The following SRD5A2 variants were observed in gnomAD, a reference collection of about 807,000 sequenced individuals.
The protein encoded by SRD5A2 is steroid 5 alpha-reductase 2, also known as 3-oxo-5-alpha-steroid 4-dehydrogenase 2.
A neutral mutation model predicts 27.4 loss-of-function variants in SRD5A2; 30 were observed. The observed-to-expected ratio is 1.10, with a 90% CI of 0.82 to 1.49. SRD5A2 has a LOEUF of 1.49. Among genes scored for constraint, SRD5A2 ranks in the 40% most tolerant of loss-of-function variants. SRD5A2 has a pLI of 0.00. For missense variants in SRD5A2, 348 were observed against 323.4 expected (o/e 1.08, Z -0.58); for synonymous variants, 141 against 133.6 (o/e 1.06, Z -0.38).
At chr2:31,640,670 G>T in the SRD5A2 span, among the ~76,000 whole-genome samples, 1 of 152,026 alleles carries the variant, frequency 6.6e-6, no homozygotes, top group African/African-American at 2.4e-5. Flanking sequence ...TCATGTTCAG[G>T]GACCTGTGAA....
At chr2:31,568,952 C>T (rs1666794044) in intron 1 of SRD5A2, among the ~76,000 whole-genome samples, 1 of 152,248 alleles carries the variant, frequency 6.6e-6, no homozygotes, top group African/African-American at 2.4e-5. Context: ...GAGCAGGTGC[C>T]TAGAGTGGGA....
the SRD5A2 span, among the ~76,000 whole-genome samples, chr2:31,632,606 G>A: frequency 6.6e-6 from 1 of 152,146 alleles, no homozygotes; most frequent in Non-Finnish European, 1.5e-5. Context: ...CCTGGACACT[G>A]GCACGGCCTT....
the SRD5A2 span, among the ~76,000 whole-genome samples, chr2:31,639,851 T>A: frequency 5.3e-5 from 8 of 152,086 alleles, no homozygotes. Flanking sequence ...ATCTGTTTAG[T>A]GTTCTAAGAT....
At chr2:31,588,831 C>T in the SRD5A2 span, among the ~76,000 whole-genome samples, 1 of 152,098 alleles carries the variant, frequency 6.6e-6, no homozygotes, top group Non-Finnish European at 1.5e-5. Flanking sequence ...AAAATCATAA[C>T]TATATCACAA....
At chr2:31,597,992 T>TA in the SRD5A2 span, among the ~76,000 whole-genome samples, 14 of 152,008 alleles carry the variant, frequency 9.2e-5, no homozygotes. Context: ...GGCAAAAAGA[T>TA]ACTTGCACAC....
the SRD5A2 span, among the ~76,000 whole-genome samples, chr2:31,653,696 G>A: frequency 6.6e-6 from 1 of 152,014 alleles, no homozygotes; most frequent in South Asian, 2.1e-4. Flanking sequence ...TTTTGCTCTT[G>A]TTGCCCAGGG....
At chr2:31,638,356 T>C in the SRD5A2 span, among the ~76,000 whole-genome samples, 25 of 152,284 alleles carry the variant, frequency 1.6e-4, no homozygotes, top group Middle Eastern at 3.4e-3. Flanking sequence ...AGATACGGTC[T>C]ATTCTGGAGA....
At chr2:31,648,233 C>T in the SRD5A2 span, among the ~76,000 whole-genome samples, 4 of 152,090 alleles carry the variant, frequency 2.6e-5, no homozygotes, top group Non-Finnish European at 5.9e-5. Flanking sequence ...TTTAAAATGC[C>T]AAAATTTCAA....
the SRD5A2 span, among the ~76,000 whole-genome samples, chr2:31,654,759 A>C: frequency 2.0e-5 from 3 of 152,324 alleles, no homozygotes; most frequent in South Asian, 4.1e-4. Context: ...CTCTGATCTG[A>C]TGCCAGTATC....
rs533931591 is a variant in SRD5A2, at chr2:31,561,336, A to T, written c.281+19284T>A. Among the ~76,000 whole-genome samples the T allele has an allele frequency of 4.6e-5, 7 of 152,224 alleles. No individual in the cohort carries two copies. The East Asian group carries it at 7.7e-4, about 17-fold the overall frequency. ...TAAGACAAATATTAAGGCCTCCTAG[A>T]CATATAATGATATTTTCCCCAAAGA... On this transcript the variant is annotated intron_variant, in intron 1 of 4. Transcript: ENST00000622030.
At chr2:31,653,808 C>T in the SRD5A2 span, among the ~76,000 whole-genome samples, 93 of 152,152 alleles carry the variant, frequency 6.1e-4, no homozygotes, top group African/African-American at 2.0e-3. Context: ...TACAGGTGCC[C>T]GCCACCATGC....
At chr2:31,536,352 C>G (rs1449996416) in intron 1 of SRD5A2, among the ~76,000 whole-genome samples, 1 of 152,228 alleles carries the variant, frequency 6.6e-6, no homozygotes, top group Non-Finnish European at 1.5e-5. Flanking sequence ...ATTCAAGCTT[C>G]TGCTCCACAG....
the SRD5A2 span, among the ~76,000 whole-genome samples, chr2:31,633,695 C>T: frequency 5.3e-5 from 8 of 152,228 alleles, no homozygotes; most frequent in Non-Finnish European, 7.4e-5. Flanking sequence ...TTAGAGCAGT[C>T]GTCAGCCAAC....
the SRD5A2 span, among the ~76,000 whole-genome samples, chr2:31,602,904 C>A: frequency 1.3e-5 from 2 of 151,804 alleles, no homozygotes; most frequent in East Asian, 3.9e-4. Flanking sequence ...ACATCTGATA[C>A]AAAAATTAAC....
the SRD5A2 span, among the ~76,000 whole-genome samples, chr2:31,586,615 G>A: frequency 1.3e-5 from 2 of 152,226 alleles, no homozygotes; most frequent in African/African-American, 4.8e-5. Flanking sequence ...GTAATCCAGA[G>A]AATTATCCTG....
At chr2:31,549,081 A>AATTATT (rs71405576) in intron 1 of SRD5A2, among the ~76,000 whole-genome samples, 34,774 of 131,054 alleles carry the variant, frequency 0.27, 4,802 homozygotes, top group South Asian at 0.32. Flanking sequence ...AAGTAGAGGG[A>AATTATT]ATTATTATTA....
At chr2:31,584,604 C>A (rs1225002064), upstream of SRD5A2, among the ~76,000 whole-genome samples, 1 of 152,158 alleles carries the variant, frequency 6.6e-6, no homozygotes, top group African/African-American at 2.4e-5. Context: ...CCCCACTAAC[C>A]CTTCAAGCTT....
At chr2:31,531,257 A>C (rs1403731802) in intron 3 of SRD5A2, 114 bp downstream of exon 3, 34 of 691,354 alleles carry the variant, frequency 4.9e-5, no homozygotes, top group Non-Finnish European at 7.4e-6. Context: ...GAGCAAGCTG[A>C]GAGGTATTGT....
the SRD5A2 span, among the ~76,000 whole-genome samples, chr2:31,627,905 T>C: frequency 6.6e-6 from 1 of 152,138 alleles, no homozygotes; most frequent in East Asian, 1.9e-4. Context: ...ACGTAGTCAA[T>C]TTTATAGTGT....
Sources: gnomAD v4.1 joint callset for allele counts (sites outside exome capture counted in the v4.1 genomes callset) on GRCh38, gnomAD v4.1.1 for gene constraint, MANE v1.5 for transcripts, NCBI Gene and HGNC (gene_info 2026-07-23, HGNC 2026-07-21) for gene names.